Variants in RIN3 observed in about 807,000 individuals in gnomAD.
RIN3 encodes Ras and Rab interactor 3.
RIN3 carries 54 observed loss-of-function variants against 76.3 expected under a neutral mutation model. That is an observed-to-expected ratio of 0.71 (90% confidence interval 0.57 to 0.89). RIN3 has a LOEUF of 0.89. Ranked by LOEUF, RIN3 falls within the 40% of genes least tolerant of loss-of-function variation. The pLI, the probability that RIN3 is intolerant of heterozygous loss-of-function variation, is 0.00. For missense variants in RIN3, 1,256 were observed against 1,322.1 expected (o/e 0.95, Z 0.78); for synonymous variants, 576 against 564.0 (o/e 1.02, Z -0.30).
chr14:92,612,053 G>A (rs926317685), intron 3 of RIN3, among the ~76,000 whole-genome samples: 1 of 152,096 alleles, frequency 6.6e-6, no homozygotes, highest in Non-Finnish European at 1.5e-5. Flanking sequence ...CCGAGGGGAT[G>A]GTGCTAACCC....
chr14:92,687,768 G>A (rs1315852482), intron 9 of RIN3, 158 bp from the exon 10 acceptor site: 3 of 634,152 alleles, frequency 4.7e-6, no homozygotes. Flanking sequence ...CGGGCCCCCC[G>A]CAGGCTCGCG....
intron 4 of RIN3, among the ~76,000 whole-genome samples, chr14:92,619,437 T>G (rs1886091751): frequency 7.2e-4 from 2 of 2,796 alleles, no homozygotes; most frequent in Non-Finnish European, 2.2e-3. Flanking sequence ...CTAGTAGTCT[T>G]TTTTTTTTTT....
chr14:92,556,261 G>A (rs556754177), intron 2 of RIN3, among the ~76,000 whole-genome samples: 100 of 152,198 alleles, frequency 6.6e-4, no homozygotes, highest in African/African-American at 2.2e-3. Flanking sequence ...GCAGTCAGGA[G>A]GACCATGCTG....
chr14:92,617,823 T>G (rs2140106052), intron 4 of RIN3, among the ~76,000 whole-genome samples: 1 of 152,348 alleles, frequency 6.6e-6, no homozygotes, highest in Non-Finnish European at 1.5e-5. Context: ...TTCAGCCAAT[T>G]CTATCATAAC....
chr14:92,642,348 T>TG (rs1253293631), intron 5 of RIN3, among the ~76,000 whole-genome samples: 1 of 152,038 alleles, frequency 6.6e-6, no homozygotes, highest in Non-Finnish European at 1.5e-5. Context: ...CCTCCCACCT[T>TG]GGCTTCCCAA....
chr14:92,654,332 GAAAAGA>G (rs1330809156), intron 6 of RIN3, among the ~76,000 whole-genome samples: 13 of 131,248 alleles, frequency 9.9e-5, no homozygotes, highest in African/African-American at 2.9e-4. Context: ...AAAAAGAAAA[GAAAAGA>G]AAAAAAATAC....
chr14:92,581,285 A>T (rs1898427780), intron 3 of RIN3, among the ~76,000 whole-genome samples: 4 of 152,222 alleles, frequency 2.6e-5, no homozygotes, highest in Admixed American at 2.6e-4. Flanking sequence ...TAGATAATAG[A>T]GACCAGGAGG....
intron 4 of RIN3, among the ~76,000 whole-genome samples, chr14:92,638,438 G>A (rs867371180): frequency 3.3e-5 from 5 of 152,194 alleles, no homozygotes; most frequent in South Asian, 2.1e-4. Context: ...GCTGGGGTTC[G>A]AGTCTGGGGT....
rs1211037439 is a variant in RIN3 at position 92,688,124 on chromosome 14, A to G, written c.2830A>G (p.Lys944Glu). 2 of 1,609,882 alleles carry G rather than the reference A, an allele frequency of 1.2e-6. No homozygotes were observed. The highest frequency in any genetic ancestry group is 2.2e-5 in the South Asian group (2 of 90,866). The change falls in exon 10 of 10, where the codon AAG becomes GAG. Residue 944 changes from lysine (K) to glutamate (E), a missense_variant. Coordinates refer to ENST00000216487, the MANE Select transcript of RIN3 (RefSeq NM_024832.5). ...LADDALPHCI[K>E]GYLLRSEPKR... is the part of the protein sequence containing the mutation. The stretch of plus-strand genomic sequence containing the variant: ...GGACGACGCGCTGCCGCACTGCATC[A>G]AGGGCTACCTGCTGCGCAGCGAGCC...
intron 8 of RIN3, among the ~76,000 whole-genome samples, chr14:92,680,205 T>TTC (rs1470808893): frequency 6.6e-6 from 1 of 151,090 alleles, no homozygotes; most frequent in Non-Finnish European, 1.5e-5. Flanking sequence ...TGGCACTTTT[T>TTC]TTTTTTTTTT....
chr14:92,600,735 C>T (rs1005469743), intron 3 of RIN3, among the ~76,000 whole-genome samples: 3 of 152,256 alleles, frequency 2.0e-5, no homozygotes, highest in Admixed American at 6.5e-5. Flanking sequence ...CTGGTTCTCT[C>T]TCTCGAGCAG....
intron 1 of RIN3, among the ~76,000 whole-genome samples, chr14:92,529,528 G>A (rs751563634): frequency 6.7e-6 from 1 of 150,246 alleles, no homozygotes. Context: ...GATTACAGGC[G>A]TGAGCCACCG....
intron 4 of RIN3, among the ~76,000 whole-genome samples, chr14:92,640,070 G>A (rs1181412318): frequency 3.5e-5 from 5 of 144,662 alleles, no homozygotes; most frequent in African/African-American, 5.2e-5. Context: ...GCCTGACTGC[G>A]TTTGCTGGGA....
chr14:92,678,616 C>T (rs1430542875), intron 8 of RIN3, among the ~76,000 whole-genome samples: 2 of 151,700 alleles, frequency 1.3e-5, no homozygotes, highest in South Asian at 2.1e-4. Context: ...TCTACCCATC[C>T]ACCCACCTAC....
intron 1 of RIN3, among the ~76,000 whole-genome samples, chr14:92,525,358 G>A (rs8012003): frequency 0.05 from 7,572 of 152,210 alleles, 636 homozygotes; most frequent in African/African-American, 0.17. Context: ...GGCAGGGTGT[G>A]GGGGGATGGT....
rs377157371 is a variant in RIN3 at position 92,546,356 on chromosome 14, TC to T, written c.45-9394del. Among the ~76,000 whole-genome samples the T allele has an allele frequency of 1.3e-3, 192 of 152,336 alleles. 2 individuals carry two copies. Among genetic ancestry groups the T allele is most frequent in the Middle Eastern group, 0.01 (3 of 294 alleles). ...GGATATCCATCACCTTAAATATTTA[TC>T]TTTTTGCTGGGAACATTCGAACTAT... On this transcript the variant is annotated intron_variant, in intron 1 of 9. Coordinates refer to ENST00000216487, the MANE Select transcript of RIN3 (RefSeq NM_024832.5).
chr14:92,650,512 G>A (rs781720845), intron 5 of RIN3, among the ~76,000 whole-genome samples: 1 of 152,246 alleles, frequency 6.6e-6, no homozygotes, highest in Non-Finnish European at 1.5e-5. Flanking sequence ...CCTCCCAGGA[G>A]TGAAGAGCCC....
chr14:92,671,690 C>G (rs915309419), intron 7 of RIN3, among the ~76,000 whole-genome samples: 1 of 152,126 alleles, frequency 6.6e-6, no homozygotes, highest in Non-Finnish European at 1.5e-5. Context: ...CCCACATGGC[C>G]GGCCCCGAAG....
rs1310441835 is a variant in RIN3, at chr14:92,652,311, G to A, written c.1262G>A (p.Gly421Asp). Residue 421 changes from glycine to aspartate, a missense_variant, in exon 6 of 10, where the codon GGC becomes GAC. By Grantham distance (94) the Gly-to-Asp change is moderately conservative (BLOSUM62 -1). Around this residue, in one of 3 missense-constraint regions of RIN3, gnomAD observed 610 missense variants for 626.4 expected, o/e 0.97. Transcript: ENST00000216487. The surrounding 1 kb of genome is among the most constrained non-coding windows in gnomAD (Gnocchi z 6.4). ...CTGCCTCCCCAAGGGACCTCAGACGGCCCTGAGGACACGCCCCGGGAGAGC... is the reference window on the plus strand; with the variant it reads ...CTGCCTCCCCAAGGGACCTCAGACGACCCTGAGGACACGCCCCGGGAGAGC... Reference protein sequence around the residue: ...LSLPPQGTSDGPEDTPRESTE... With the variant: ...LSLPPQGTSDDPEDTPRESTE... 25 of 1,607,664 alleles carry A rather than the reference G, an allele frequency of 1.6e-5. No homozygotes were observed. Among genetic ancestry groups the A allele is most frequent in the Non-Finnish European group, 1.8e-5 (21 of 1,176,054 alleles).
Sources: allele counts gnomAD v4.1 joint callset (sites outside exome capture counted in the v4.1 genomes callset), GRCh38; gene constraint gnomAD v4.1.1; regional missense constraint gnomAD v4.1.1; non-coding constraint Gnocchi (gnomAD v3.1); transcripts MANE v1.5; gene names NCBI Gene and HGNC (gene_info 2026-07-23, HGNC 2026-07-21).